Variants in RBPJ observed in about 807,000 individuals in gnomAD.
The protein encoded by RBPJ is recombining binding protein suppressor of hairless.
RBPJ carries 9 observed loss-of-function variants against 67.8 expected under a neutral mutation model. The ratio of observed to expected loss-of-function variants is 0.13; its 90% CI spans 0.08 to 0.23. The LOEUF (loss-of-function observed/expected upper bound fraction) is 0.23. Ranked by LOEUF, RBPJ falls within the 10% of genes least tolerant of loss-of-function variation. The probability of loss-of-function intolerance (pLI) is 1.00; values close to 1 mark genes in which losing one functional copy is unlikely to be tolerated. For synonymous variants in RBPJ, 198 were observed against 203.3 expected, an observed-to-expected ratio of 0.97 and a Z score of 0.22; for missense variants, 305 against 595.6, an observed-to-expected ratio of 0.51 and a Z score of 5.08.
the RBPJ span, among the ~76,000 whole-genome samples, chr4:26,134,430 G>A: frequency 4.0e-3 from 616 of 152,296 alleles, 4 homozygotes; most frequent in African/African-American, 0.014. Context: ...CACAGGCCCC[G>A]TGCAAGTGCT....
At chr4:26,151,375 T>C in the RBPJ span, among the ~76,000 whole-genome samples, 1 of 152,200 alleles carries the variant, frequency 6.6e-6, no homozygotes, top group Non-Finnish European at 1.5e-5. Flanking sequence ...CTCCAAGAAA[T>C]GGGAATATGT....
At chr4:26,224,958 A>G (rs1436896146) in intron 1 of RBPJ, among the ~76,000 whole-genome samples, 2 of 152,206 alleles carry the variant, frequency 1.3e-5, no homozygotes, top group Non-Finnish European at 2.9e-5. Context: ...CAAAACAAAG[A>G]CTAAGGAAGG....
At chr4:26,318,914 G>A (rs563942870), upstream of RBPJ, among the ~76,000 whole-genome samples, 2 of 148,618 alleles carry the variant, frequency 1.3e-5, no homozygotes, top group South Asian at 2.2e-4. Flanking sequence ...GGAGAATGGC[G>A]TGAATCCAGG....
intron 5 of RBPJ, among the ~76,000 whole-genome samples, chr4:26,422,537 T>G (rs1444634225): frequency 6.6e-6 from 1 of 152,176 alleles, no homozygotes; most frequent in Non-Finnish European, 1.5e-5. Flanking sequence ...AAGTGACCAG[T>G]GGGGTTTTAG....
intron 5 of RBPJ, among the ~76,000 whole-genome samples, chr4:26,421,170 C>T (rs999515535): frequency 6.6e-6 from 1 of 152,214 alleles, no homozygotes. Flanking sequence ...AATCTAAACA[C>T]AATTTTTAAT....
At chr4:26,405,610 A>G (rs188384905) in intron 2 of RBPJ, among the ~76,000 whole-genome samples, 1 of 152,128 alleles carries the variant, frequency 6.6e-6, no homozygotes, top group African/African-American at 2.4e-5. Flanking sequence ...TATTTATTTA[A>G]TAATATCCTT....
chr4:26,430,180 C>T lies in RBPJ; in HGVS notation c.1044+127C>T, dbSNP rs556112000. 3 of 1,118,852 alleles carry T rather than the reference C, an allele frequency of 2.7e-6. No individual in the cohort carries two copies. Among genetic ancestry groups the T allele is most frequent in the South Asian group, 2.6e-5 (2 of 76,786 alleles). 69.3% of individuals were successfully genotyped at this position (1,118,852 alleles called of 1,614,324 possible). A position where few individuals can be genotyped will look rare whatever the true frequency, so the allele number is the denominator to read the frequency against. ...CGTCTGATTAGGGGATTTTTATATA[C>T]ACCATTTGTTGATTTAAAGAAAAAA... is the stretch of plus-strand genomic sequence containing the variant. On this transcript the variant is annotated intron_variant, in intron 9 of 10. Coordinates refer to ENST00000355476, the MANE Select transcript of RBPJ (RefSeq NM_015874.6). This position sits in a 1 kb window ranked among gnomAD's most constrained non-coding sequence, Gnocchi z 4.1.
rs781189947 is a variant in RBPJ at position 26,430,926 on chromosome 4, C to T, written c.1383C>T (p.Asn461=). 2.8e-5 allele frequency: 46 copies of T among 1,614,070 alleles called. No homozygotes were observed. Among genetic ancestry groups the T allele is most frequent in the Admixed American group, 8.3e-5 (5 of 59,994 alleles). ...GCCAGGTGCCCCCTAACGAATCAAA[C>T]ACAAACAGCGAGGGAAGTTACACAA... ...NSSQVPPNES[N]TNSEGSYTNA... is the part of the protein sequence containing the mutation. Residue 461 remains asparagine (N), a synonymous_variant, in exon 11 of 11, where the codon AAC becomes AAT. Transcript: ENST00000355476. The surrounding 1 kb of genome is among the most constrained non-coding windows in gnomAD (Gnocchi z 4.1).
upstream of RBPJ, among the ~76,000 whole-genome samples, chr4:26,316,613 T>TATA (rs1722644221): frequency 9.9e-5 from 14 of 141,110 alleles, no homozygotes; most frequent in African/African-American, 3.4e-4. Flanking sequence ...TATACACATA[T>TATA]TGATATATAT....
chr4:26,137,544 C>G, the RBPJ span, among the ~76,000 whole-genome samples: 4 of 152,160 alleles, frequency 2.6e-5, no homozygotes, highest in African/African-American at 4.8e-5. Context: ...CAGGTCCTAC[C>G]AAGTATGGCT....
At chr4:26,426,197 C>T (rs1282186669) in intron 7 of RBPJ, among the ~76,000 whole-genome samples, 1 of 152,116 alleles carries the variant, frequency 6.6e-6, no homozygotes, top group Non-Finnish European at 1.5e-5. Context: ...TCATTCATTT[C>T]CTCTGTTCCA....
chr4:26,175,385 G>A (rs1033372288), intron 1 of RBPJ, among the ~76,000 whole-genome samples: 4 of 152,082 alleles, frequency 2.6e-5, no homozygotes, highest in Middle Eastern at 3.4e-3. Context: ...GCTGGGGGGG[G>A]GATTTGAGTC....
chr4:26,340,096 A>G (rs947775351), intron 1 of RBPJ, among the ~76,000 whole-genome samples: 3 of 152,244 alleles, frequency 2.0e-5, no homozygotes, highest in Admixed American at 2.0e-4. Context: ...ACTATATGCT[A>G]GTAGTAAAGA....
At chr4:26,221,632 G>A (rs1435288070) in intron 1 of RBPJ, among the ~76,000 whole-genome samples, 14 of 152,186 alleles carry the variant, frequency 9.2e-5, no homozygotes, top group Admixed American at 8.5e-4. Flanking sequence ...GAGAGTAGGA[G>A]AGAAAGAGAG....
At position 26,303,763 on chromosome 4, in the gene RBPJ, C is replaced by G. The variant is rs73113360; in HGVS notation, c.-166-58683C>G. Reference sequence around the variant, plus strand: ...GTTGGAGACCAGCCTGGGCAACATACTGAGACCCGTGTCTCTATTTTTTTA... The same window carrying G: ...GTTGGAGACCAGCCTGGGCAACATAGTGAGACCCGTGTCTCTATTTTTTTA... On this transcript the variant is annotated intron_variant, in intron 1 of 4. Coordinates refer to the RBPJ transcript ENST00000512351. Among the ~76,000 whole-genome samples, 1,123 of 152,230 alleles carry G rather than the reference C, an allele frequency of 7.4e-3. 13 individuals carry two copies. The highest frequency in any genetic ancestry group is 0.025 in the African/African-American group (1,054 of 41,530).
intron 1 of RBPJ, among the ~76,000 whole-genome samples, chr4:26,348,663 C>T (rs1376078202): frequency 2.0e-5 from 3 of 151,904 alleles, no homozygotes; most frequent in African/African-American, 7.3e-5. Flanking sequence ...AGCTTTTCAC[C>T]TCAACAACAA....
chr4:26,275,053 G>A (rs763549516), intron 1 of RBPJ, among the ~76,000 whole-genome samples: 9 of 152,190 alleles, frequency 5.9e-5, no homozygotes, highest in Non-Finnish European at 8.8e-5. Context: ...TCATGGGATA[G>A]GGAGATGGCC....
the RBPJ span, among the ~76,000 whole-genome samples, chr4:26,124,846 A>G: frequency 3.0e-3 from 454 of 152,296 alleles, 1 homozygote; most frequent in Admixed American, 6.9e-3. Flanking sequence ...TCAGCTTCAC[A>G]TAATCTTATG....
chr4:26,215,403 G>GGAGGGA (rs1718683630), intron 1 of RBPJ, among the ~76,000 whole-genome samples: 1 of 16,792 alleles, frequency 6.0e-5, no homozygotes, highest in Non-Finnish European at 1.3e-4. Flanking sequence ...GGAAGGAAGG[G>GGAGGGA]GGGGGAAGGA....
Sources: allele counts gnomAD v4.1 joint callset (sites outside exome capture counted in the v4.1 genomes callset), GRCh38; gene constraint gnomAD v4.1.1; non-coding constraint Gnocchi (gnomAD v3.1); transcripts MANE v1.5; gene names NCBI Gene and HGNC (gene_info 2026-07-23, HGNC 2026-07-21).